The following DYRK1A variants were observed in gnomAD, a reference collection of about 807,000 sequenced individuals.
DYRK1A encodes the protein dual specificity tyrosine-phosphorylation-regulated kinase 1A.
DYRK1A carries 9 observed loss-of-function variants against 79.7 expected under a neutral mutation model. That is an observed-to-expected ratio of 0.11 (90% CI 0.07 to 0.20). DYRK1A has a LOEUF of 0.20. Among genes scored for constraint, DYRK1A ranks in the 10% least tolerant of loss-of-function variants. The pLI is 1.00. For synonymous variants in DYRK1A, 349 were observed against 329.7 expected (o/e 1.06, Z -0.63); for missense variants, 622 against 956.0 (o/e 0.65, Z 4.61).
At chr21:37,399,768 C>T (rs974171477) in intron 1 of DYRK1A, among the ~76,000 whole-genome samples, 11 of 152,156 alleles carry the variant, frequency 7.2e-5, no homozygotes, top group Admixed American at 3.9e-4. Flanking sequence ...TGAGACTGTA[C>T]ATCATTCCAA....
chr21:37,519,872 G>C lies in DYRK1A; in HGVS notation c.*7341G>C, dbSNP rs1022967615. 6.6e-6 allele frequency: 1 copy of C among 151,868 alleles called. No individual in the cohort carries two copies. Among genetic ancestry groups the C allele is most frequent in the Admixed American group, 6.6e-5 (1 of 15,230 alleles). 9.4% of individuals were successfully genotyped at this position (151,868 alleles called of 1,614,324 possible). ...TTCGCCTGCCTCAGCCTCCAGAGTAGCTGGGACTACTGGCGCCCGCCACCA... is the reference window on the plus strand; with the variant it reads ...TTCGCCTGCCTCAGCCTCCAGAGTACCTGGGACTACTGGCGCCCGCCACCA... On this transcript the variant is annotated 3_prime_UTR_variant, in exon 12 of 12. Coordinates refer to ENST00000647188, the MANE Select transcript of DYRK1A (RefSeq NM_001347721.2).
Position 37,472,720 on chromosome 21 carries a change from G to A in DYRK1A, c.47G>A (p.Arg16Gln), listed in dbSNP as rs1057175147. 4 of 1,608,688 alleles carry A rather than the reference G, an allele frequency of 2.5e-6. No homozygotes were observed. The highest frequency in any genetic ancestry group is 3.4e-6 in the Non-Finnish European group (4 of 1,176,410). ...ETSACKPSSV[R>Q]LAPSFSFHAA... ...TCAGCATGCAAACCTTCATCTGTTC[G>A]GCTTGCACCGTCATTTTCATTCCAT... The change falls in exon 3 of 12, where the codon CGG becomes CAG. Residue 16 changes from arginine to glutamine, a missense_variant. Transcript: ENST00000647188.
intron 1 of DYRK1A, among the ~76,000 whole-genome samples, chr21:37,400,612 T>C (rs1200707815): frequency 6.6e-6 from 1 of 152,182 alleles, no homozygotes; most frequent in East Asian, 1.9e-4. Context: ...ATAACAATGG[T>C]TTTGAGCGAC....
At chr21:37,390,121 C>G (rs2049842639) in intron 1 of DYRK1A, among the ~76,000 whole-genome samples, 1 of 151,846 alleles carries the variant, frequency 6.6e-6, no homozygotes, top group African/African-American at 2.4e-5. Flanking sequence ...TGCCTCAAAC[C>G]TATTTTCTGT....
chr21:37,436,960 T>C (rs73218419), intron 2 of DYRK1A, among the ~76,000 whole-genome samples: 11,472 of 152,156 alleles, frequency 0.075, 640 homozygotes, highest in Non-Finnish European at 0.11. Context: ...AATTTTTGGA[T>C]TGGGACTAGG....
At chr21:37,511,820 A>AT (rs1024886603) in intron 11 of DYRK1A, 91 bp from the exon 12 acceptor site, 74 of 1,409,884 alleles carry the variant, frequency 5.2e-5, no homozygotes, top group Middle Eastern at 3.7e-4. Flanking sequence ...GATTAATATG[A>AT]TGCTAGTTTG....
intron 1 of DYRK1A, among the ~76,000 whole-genome samples, chr21:37,410,936 T>G (rs2148413955): frequency 6.6e-6 from 1 of 150,880 alleles, no homozygotes; most frequent in South Asian, 2.1e-4. Flanking sequence ...GTAATCCCAG[T>G]TACTAGGGAT....
At chr21:37,387,235 C>T (rs1054044094) in intron 1 of DYRK1A, among the ~76,000 whole-genome samples, 19 of 152,150 alleles carry the variant, frequency 1.2e-4, no homozygotes, top group African/African-American at 3.6e-4. Flanking sequence ...AAGGTCGATG[C>T]CTATTTAACA....
At chr21:37,503,948 T>A (rs1435106700) in intron 9 of DYRK1A, 1 of 152,172 alleles carries the variant, frequency 6.6e-6, no homozygotes, top group Non-Finnish European at 1.5e-5. Context: ...TTTTAAAAAA[T>A]GTTTGTAATT....
intron 2 of DYRK1A, among the ~76,000 whole-genome samples, chr21:37,449,557 C>T (rs866405927): frequency 1.3e-5 from 2 of 152,090 alleles, no homozygotes; most frequent in African/African-American, 2.4e-5. Flanking sequence ...GTCTTAGTCA[C>T]GTGGCCATGC....
At chr21:37,507,729 T>C (rs1214768661) in intron 11 of DYRK1A, among the ~76,000 whole-genome samples, 4 of 144,890 alleles carry the variant, frequency 2.8e-5, no homozygotes, top group Non-Finnish European at 4.5e-5. Flanking sequence ...TACCCAGCAC[T>C]GAAACCTGGG....
intron 2 of DYRK1A, among the ~76,000 whole-genome samples, chr21:37,453,791 CAAAAG>C (rs1233002338): frequency 6.6e-6 from 1 of 151,950 alleles, no homozygotes; most frequent in Non-Finnish European, 1.5e-5. Flanking sequence ...AGTGACTTAA[CAAAAG>C]AAAGGAAAAT....
At chr21:37,507,339 T>C (rs1418651093) in intron 11 of DYRK1A, among the ~76,000 whole-genome samples, 1 of 152,176 alleles carries the variant, frequency 6.6e-6, no homozygotes, top group Admixed American at 6.5e-5. Flanking sequence ...CTCTCCTCTT[T>C]TGGCTTTTTC....
rs568287240 is a variant in DYRK1A at position 37,522,602 on chromosome 21, G to C, written c.*10071G>C. 1.3e-5 allele frequency: 2 copies of C among 152,340 alleles called. No individual in the cohort carries two copies. Among genetic ancestry groups the C allele is most frequent in the Non-Finnish European group, 2.9e-5 (2 of 68,046 alleles). 9.4% of individuals were successfully genotyped at this position (152,340 alleles called of 1,614,324 possible). ...AGGGAAAATGTAGTGAAGGATGCCT[G>C]TATTGTCCTAATGAACCACACTGGT... On this transcript the variant is annotated 3_prime_UTR_variant, in exon 12 of 12. Coordinates refer to ENST00000647188, the MANE Select transcript of DYRK1A (RefSeq NM_001347721.2).
At chr21:37,409,973 G>A (rs546849077) in intron 1 of DYRK1A, among the ~76,000 whole-genome samples, 2 of 152,174 alleles carry the variant, frequency 1.3e-5, no homozygotes, top group South Asian at 2.1e-4. Context: ...TATACATTTT[G>A]TATATTCTGT....
chr21:37,499,028 C>T (rs909723407), intron 9 of DYRK1A, among the ~76,000 whole-genome samples: 2 of 152,034 alleles, frequency 1.3e-5, no homozygotes, highest in Non-Finnish European at 2.9e-5. Context: ...TTTTTTGTCA[C>T]ATGTATGTCA....
At chr21:37,430,162 C>A (rs1336159213) in intron 2 of DYRK1A, 3 of 353,776 alleles carry the variant, frequency 8.5e-6, no homozygotes, top group Admixed American at 1.3e-4. Flanking sequence ...CTTTATATTT[C>A]TTTTTACCTC....
intron 2 of DYRK1A, among the ~76,000 whole-genome samples, chr21:37,460,831 T>C: frequency 6.6e-6 from 1 of 152,326 alleles, no homozygotes; most frequent in Middle Eastern, 3.4e-3. Context: ...TTCATTCTTA[T>C]TATTTAAAAT....
intron 2 of DYRK1A, among the ~76,000 whole-genome samples, chr21:37,451,427 C>T (rs1160231199): frequency 2.2e-5 from 3 of 135,020 alleles, no homozygotes; most frequent in African/African-American, 5.3e-5. Context: ...TTCCTGTAAA[C>T]GCCCACACAA....
Sources: allele counts gnomAD v4.1 joint callset (sites outside exome capture counted in the v4.1 genomes callset), GRCh38; gene constraint gnomAD v4.1.1; transcripts MANE v1.5; gene names NCBI Gene and HGNC (gene_info 2026-07-23, HGNC 2026-07-21).